SH3RF3: variants seen among roughly 807,000 people sequenced by gnomAD.
SH3RF3 encodes SH3 domain containing ring finger 3.
Under a neutral mutation model 66.3 loss-of-function variants are expected in SH3RF3, and 29 were observed. The observed-to-expected ratio is 0.44, with a 90% confidence interval of 0.33 to 0.60. SH3RF3 has a LOEUF of 0.60. SH3RF3 is among the 20% of genes least tolerant of loss of function. The pLI, the probability that SH3RF3 is intolerant of heterozygous loss-of-function variation, is 0.04. For missense variants in SH3RF3, 1,194 were observed against 1,190.9 expected, an observed-to-expected ratio of 1.00 and a Z score of -0.04; for synonymous variants, 583 against 532.0, an observed-to-expected ratio of 1.10 and a Z score of -1.32.
rs192442449 is a variant in SH3RF3, at chr2:109,218,745, A to G, written c.573+88632A>G. ...GGCACTTTGTTCTCTAAGTGAAAAC[A>G]AAAATAGCCACTGACTTGGGCTCTG... On this transcript the variant is annotated intron_variant, in intron 1 of 9. Coordinates refer to ENST00000309415, the MANE Select transcript of SH3RF3 (RefSeq NM_001099289.3). Among the ~76,000 whole-genome samples, 4 of 152,332 alleles carry G rather than the reference A, an allele frequency of 2.6e-5. No homozygotes were observed. The East Asian group carries it at 7.7e-4, about 29-fold the overall frequency.
intron 7 of SH3RF3, among the ~76,000 whole-genome samples, chr2:109,438,965 GC>G (rs1216258547): frequency 2.0e-5 from 3 of 152,116 alleles, no homozygotes; most frequent in Non-Finnish European, 2.9e-5. Context: ...AGGGTGAGTG[GC>G]CCCACTCATC....
intron 4 of SH3RF3, among the ~76,000 whole-genome samples, chr2:109,401,020 C>T (rs1344713882): frequency 6.6e-6 from 1 of 152,214 alleles, no homozygotes; most frequent in South Asian, 2.1e-4. Context: ...CAGTGGCGGA[C>T]CAGTGTGGCT....
chr2:109,439,048 A>T (rs1677491351), intron 7 of SH3RF3, among the ~76,000 whole-genome samples: 1 of 152,162 alleles, frequency 6.6e-6, no homozygotes, highest in Non-Finnish European at 1.5e-5. Context: ...TGGTCTTTCC[A>T]CACCAAGCCT....
chr2:109,366,420 A>G (rs1320442987), intron 2 of SH3RF3, among the ~76,000 whole-genome samples: 1 of 152,266 alleles, frequency 6.6e-6, no homozygotes, highest in African/African-American at 2.4e-5. Flanking sequence ...AGCAAGATAC[A>G]GAAAAGTGTG....
chr2:109,254,914 T>G (rs1163127771), intron 1 of SH3RF3, among the ~76,000 whole-genome samples: 2 of 152,184 alleles, frequency 1.3e-5, no homozygotes, highest in Admixed American at 6.5e-5. Context: ...TGTGACCCAC[T>G]CTGGTCTCAA....
chr2:109,167,748 T>G (rs1011013270), intron 1 of SH3RF3, among the ~76,000 whole-genome samples: 2 of 152,130 alleles, frequency 1.3e-5, no homozygotes, highest in African/African-American at 4.8e-5. Flanking sequence ...ATTTTTTGTA[T>G]TTTTAGTAGA....
chr2:109,231,635 A>G lies in SH3RF3; in HGVS notation c.573+101522A>G, dbSNP rs776351069. 5.1e-4 allele frequency among the ~76,000 whole-genome samples: 78 copies of G among 152,346 alleles called. No homozygotes were observed. In the Middle Eastern group the frequency reaches 0.01, roughly 20 times the overall value. ...GGCTGCTTCCCTCTGCTCTCAGATG[A>G]CATGTGGCTGAGGACTTCATACTAA... On this transcript the variant is annotated intron_variant, in intron 1 of 9. Coordinates refer to ENST00000309415, the MANE Select transcript of SH3RF3 (RefSeq NM_001099289.3).
rs771925192 is a variant in SH3RF3, at chr2:109,398,937, C to A, written c.1293C>A (p.Pro431=). 2.6e-5 allele frequency: 42 copies of A among 1,610,658 alleles called. No individual in the cohort carries two copies. In the South Asian group the frequency reaches 4.4e-4, roughly 17 times the overall value. The part of the protein sequence containing the change: ...GDLAHLSCAA[P]TQDVSSSAGS... Reference sequence around the variant, plus strand: ...TTGCTCATCTGTCGTGCGCTGCTCCCACCCAGGTAACATCCCGCGGGCCAG... The same window carrying A: ...TTGCTCATCTGTCGTGCGCTGCTCCAACCCAGGTAACATCCCGCGGGCCAG... Residue 431 remains proline, a synonymous_variant, in exon 4 of 10, where the codon CCC becomes CCA. Transcript: ENST00000309415.
intron 1 of SH3RF3, among the ~76,000 whole-genome samples, chr2:109,287,962 G>A (rs1314722034): frequency 6.6e-6 from 1 of 152,220 alleles, no homozygotes; most frequent in Non-Finnish European, 1.5e-5. Context: ...CCAGAGAAAG[G>A]TTCAAGTTCT....
At position 109,407,155 on chromosome 2, in the gene SH3RF3, G is replaced by A. The variant is rs369766015; in HGVS notation, c.1299+8212G>A. On this transcript the variant is annotated intron_variant, in intron 4 of 9. Transcript: ENST00000309415. ...GTGGTCAGATGCAGGCTGACTCGCC[G>A]TCCAGCCAGGACCAGCACCTTCATT... Among the ~76,000 whole-genome samples, 15 of 150,970 alleles carry A rather than the reference G, an allele frequency of 9.9e-5. No individual in the cohort carries two copies. The South Asian group carries it at 1.1e-3, about 11-fold the overall frequency.
At chr2:109,180,395 G>C (rs1481099155) in intron 1 of SH3RF3, among the ~76,000 whole-genome samples, 4 of 152,138 alleles carry the variant, frequency 2.6e-5, no homozygotes, top group African/African-American at 9.7e-5. Context: ...TTCACAGCAG[G>C]TACACAGAGG....
intron 1 of SH3RF3, among the ~76,000 whole-genome samples, chr2:109,239,233 A>T (rs1679722315): frequency 6.6e-6 from 1 of 151,996 alleles, no homozygotes; most frequent in Admixed American, 6.5e-5. Flanking sequence ...GTAAATACGG[A>T]TGGCAAACAG....
chr2:109,250,864 A>T (rs1394706493), intron 1 of SH3RF3, among the ~76,000 whole-genome samples: 1 of 152,160 alleles, frequency 6.6e-6, no homozygotes, highest in Non-Finnish European at 1.5e-5. Context: ...TAGAACAAAA[A>T]ATCAAATCAC....
chr2:109,398,993 A>G (rs755054920), intron 4 of SH3RF3, 50 bp downstream of exon 4: 6 of 1,527,650 alleles, frequency 3.9e-6, no homozygotes, highest in Non-Finnish European at 5.3e-6. Flanking sequence ...CTGGGGTTCT[A>G]TCCTCAGCTC....
chr2:109,344,426 G>A (rs548788700), intron 1 of SH3RF3, among the ~76,000 whole-genome samples: 9 of 152,208 alleles, frequency 5.9e-5, no homozygotes, highest in Non-Finnish European at 1.0e-4. Context: ...CAGACTTCTC[G>A]TGACTGAGGA....
intron 1 of SH3RF3, among the ~76,000 whole-genome samples, chr2:109,325,797 C>T (rs1341627399): frequency 6.6e-6 from 1 of 152,202 alleles, no homozygotes; most frequent in Non-Finnish European, 1.5e-5. Context: ...CTGCACCCTC[C>T]TTATTACTGC....
At chr2:109,250,976 T>G (rs1680076458) in intron 1 of SH3RF3, among the ~76,000 whole-genome samples, 1 of 149,834 alleles carries the variant, frequency 6.7e-6, no homozygotes, top group African/African-American at 2.5e-5. Flanking sequence ...TCTGTATAGC[T>G]TTTTTTTTCA....
chr2:109,201,135 G>A (rs1261244200), intron 1 of SH3RF3, among the ~76,000 whole-genome samples: 7 of 152,238 alleles, frequency 4.6e-5, no homozygotes, highest in Admixed American at 3.9e-4. Context: ...TATCAGGTAC[G>A]GCTCTGGCTT....
At chr2:109,447,147 T>TAAAA (rs61240132) in intron 7 of SH3RF3, among the ~76,000 whole-genome samples, 38 of 82,598 alleles carry the variant, frequency 4.6e-4, no homozygotes, top group African/African-American at 5.8e-4. Context: ...CCTGAATATT[T>TAAAA]AAAAAAAAAA....
Sources: allele counts gnomAD v4.1 joint callset (sites outside exome capture counted in the v4.1 genomes callset), GRCh38; gene constraint gnomAD v4.1.1; transcripts MANE v1.5; gene names NCBI Gene and HGNC (gene_info 2026-07-23, HGNC 2026-07-21).